Variants in SLC12A7 observed in about 807,000 individuals in gnomAD.
SLC12A7 encodes the protein K-Cl cotransporter 4.
A neutral mutation model predicts 120.6 loss-of-function variants in SLC12A7; 100 were observed. That is an observed-to-expected ratio of 0.83 (90% CI 0.71 to 0.98). The LOEUF is 0.98. Ranked by LOEUF, SLC12A7 falls within the 50% of genes least tolerant of loss-of-function variation. The probability of loss-of-function intolerance (pLI) is 0.00; values close to 1 mark genes in which losing one functional copy is unlikely to be tolerated. For missense variants in SLC12A7, 1,373 were observed against 1,548.1 expected (o/e 0.89, Z 1.90); for synonymous variants, 760 against 678.0 (o/e 1.12, Z -1.88).
intron 1 of SLC12A7, among the ~76,000 whole-genome samples, chr5:1,098,724 T>A (rs35903244): frequency 0.019 from 200 of 10,334 alleles, no homozygotes; most frequent in African/African-American, 0.034. Flanking sequence ...AACCCTCTGC[T>A]CACCCAGCCC....
Position 1,055,943 on chromosome 5 carries a change from CCTCA to C in SLC12A7, c.3026+1524_3026+1527del, listed in dbSNP as rs575819462. Among the ~76,000 whole-genome samples, 7 of 152,296 alleles carry C rather than the reference CCTCA, an allele frequency of 4.6e-5. No individual in the cohort carries two copies. The South Asian group carries it at 1.5e-3, about 32-fold the overall frequency. ...AGTGTGGCCACTCAGCCAAGGCGTT[CCTCA>C]CTCAGGCACCAGGCACTGCCTGCCC... is the stretch of plus-strand genomic sequence containing the variant. On this transcript the variant is annotated intron_variant, in intron 22 of 23. Transcript: ENST00000264930.
At chr5:1,113,153 C>T (rs1402667664), upstream of SLC12A7, among the ~76,000 whole-genome samples, 1 of 152,226 alleles carries the variant, frequency 6.6e-6, no homozygotes, top group Non-Finnish European at 1.5e-5. Flanking sequence ...AATGCTATGG[C>T]ACACAGGTGC....
At chr5:1,126,564 G>A in the SLC12A7 span, among the ~76,000 whole-genome samples, 1 of 152,064 alleles carries the variant, frequency 6.6e-6, no homozygotes, top group Non-Finnish European at 1.5e-5. Flanking sequence ...GGGGTTTGTT[G>A]TACAGATTAT....
chr5:1,058,670 G>A (rs1014423198), intron 21 of SLC12A7, among the ~76,000 whole-genome samples: 2 of 152,232 alleles, frequency 1.3e-5, no homozygotes, highest in Non-Finnish European at 2.9e-5. Context: ...AGATGGGGGA[G>A]GGCCTGGGGC....
chr5:1,075,942 C>T (rs1460744446), intron 14 of SLC12A7, 196 bp downstream of exon 14: 6 of 574,862 alleles, frequency 1.0e-5, no homozygotes, highest in South Asian at 2.3e-5. Context: ...TCATCAGCTG[C>T]GCAGGGGCTT....
intron 9 of SLC12A7, 51 bp from the exon 10 acceptor site, chr5:1,079,547 G>A (rs1315464273): frequency 1.4e-6 from 2 of 1,415,620 alleles, no homozygotes; most frequent in East Asian, 2.3e-5. Flanking sequence ...TCAGTGCCAT[G>A]TGATGGCAGC....
chr5:1,067,043 C>T lies in SLC12A7; in HGVS notation c.2242-1565G>A, dbSNP rs1341048959. ...CCCCTACCCTGGCTCACACCTAGAG[C>T]TCCACCAGCCCTTCACACACAAAAC... On this transcript the variant is annotated intron_variant, in intron 17 of 23. Coordinates refer to ENST00000264930, the MANE Select transcript of SLC12A7 (RefSeq NM_006598.3). Among the ~76,000 whole-genome samples, 3 of 152,312 alleles carry T rather than the reference C, an allele frequency of 2.0e-5. No individual in the cohort carries two copies. In the East Asian group the frequency reaches 5.8e-4, roughly 29 times the overall value.
At chr5:1,096,657 G>C (rs1741161972) in intron 1 of SLC12A7, among the ~76,000 whole-genome samples, 1 of 140,562 alleles carries the variant, frequency 7.1e-6, no homozygotes, top group South Asian at 2.4e-4. Context: ...GCTATTCTTA[G>C]AGGGAGGGAG....
chr5:1,103,464 CACAG>C (rs1742203740), intron 1 of SLC12A7, among the ~76,000 whole-genome samples: 1 of 152,194 alleles, frequency 6.6e-6, no homozygotes, highest in African/African-American at 2.4e-5. Context: ...TGTACACATG[CACAG>C]ACAGGCACTT....
At chr5:1,095,035 G>GGT (rs1740972008) in intron 1 of SLC12A7, among the ~76,000 whole-genome samples, 1 of 148,602 alleles carries the variant, frequency 6.7e-6, no homozygotes, top group South Asian at 2.2e-4. Context: ...TAGGAGGCGG[G>GGT]GGGCCGGTAG....
At chr5:1,069,619 A>T (rs934063900) in intron 17 of SLC12A7, among the ~76,000 whole-genome samples, 3 of 152,218 alleles carry the variant, frequency 2.0e-5, no homozygotes, top group Admixed American at 6.5e-5. Context: ...CGCCCACGGC[A>T]GCCAGCCCTG....
At chr5:1,054,612 A>T (rs1317825036) in intron 22 of SLC12A7, among the ~76,000 whole-genome samples, 2 of 152,238 alleles carry the variant, frequency 1.3e-5, no homozygotes, top group East Asian at 3.9e-4. Context: ...TGCGGTCGTG[A>T]CTGTGGCCCC....
In SLC12A7 at chr5:1,069,527, C is replaced by T. The variant is rs145099521; in HGVS notation, c.2242-4049G>A. On this transcript the variant is annotated intron_variant, in intron 17 of 23. Coordinates refer to ENST00000264930, the MANE Select transcript of SLC12A7 (RefSeq NM_006598.3). ...GGGGGCACCCGCATGGGAGGGACCTCGGACACACACCACTGCAACAGGCAC... is the reference window on the plus strand; with the variant it reads ...GGGGGCACCCGCATGGGAGGGACCTTGGACACACACCACTGCAACAGGCAC... Among the ~76,000 whole-genome samples the T allele has an allele frequency of 5.1e-4, 77 of 152,322 alleles. 1 individual carries two copies. The East Asian group carries it at 0.012, about 23-fold the overall frequency.
At chr5:1,060,116 G>C (rs1736029252) in intron 21 of SLC12A7, among the ~76,000 whole-genome samples, 1 of 152,174 alleles carries the variant, frequency 6.6e-6, no homozygotes, top group Non-Finnish European at 1.5e-5. Flanking sequence ...CTCTAACCAG[G>C]CACCCGCACG....
At chr5:1,100,809 C>A (rs1458079803) in intron 1 of SLC12A7, among the ~76,000 whole-genome samples, 2 of 152,190 alleles carry the variant, frequency 1.3e-5, no homozygotes, top group African/African-American at 2.4e-5. Context: ...AAAAGAAAGT[C>A]CGAGAAACCG....
the SLC12A7 span, among the ~76,000 whole-genome samples, chr5:1,121,082 C>T: frequency 6.6e-6 from 1 of 152,228 alleles, no homozygotes; most frequent in African/African-American, 2.4e-5. Flanking sequence ...TCCACCCAAC[C>T]CTCCTGCTGC....
chr5:1,128,213 G>A, the SLC12A7 span, among the ~76,000 whole-genome samples: 12 of 152,216 alleles, frequency 7.9e-5, no homozygotes, highest in African/African-American at 2.7e-4. Context: ...TCAACCTGGC[G>A]GGAAGTCCGC....
chr5:1,141,937 A>G, the SLC12A7 span, among the ~76,000 whole-genome samples: 1 of 152,214 alleles, frequency 6.6e-6, no homozygotes. Context: ...AGACCTGGTC[A>G]TGTGGAGTCT....
At position 1,051,182 on chromosome 5, in the gene SLC12A7, A is replaced by C. The variant is rs572271853; in HGVS notation, c.*1178T>G. On this transcript the variant is annotated 3_prime_UTR_variant, in exon 24 of 24. Coordinates refer to ENST00000264930, the MANE Select transcript of SLC12A7 (RefSeq NM_006598.3). ...GCAAAGTGTTGGGCCCTTGAAAGCTATCTCTTCAGTGCCACCGCCGCCTCC... is the reference window on the plus strand; with the variant it reads ...GCAAAGTGTTGGGCCCTTGAAAGCTCTCTCTTCAGTGCCACCGCCGCCTCC... The C allele has an allele frequency of 8.9e-5, 33 of 371,908 alleles. No homozygotes were observed. Among genetic ancestry groups the C allele is most frequent in the Non-Finnish European group, 1.4e-4 (30 of 209,522 alleles). The allele number at this position is 371,908 out of a possible 1,614,324, so 23.0% of individuals were successfully genotyped here. A position where few individuals can be genotyped will look rare whatever the true frequency, so the allele number is the denominator to read the frequency against.
Sources: allele counts gnomAD v4.1 joint callset (sites outside exome capture counted in the v4.1 genomes callset), GRCh38; gene constraint gnomAD v4.1.1; transcripts MANE v1.5; gene names NCBI Gene and HGNC (gene_info 2026-07-23, HGNC 2026-07-21).